Variants in CABIN1 observed in about 807,000 individuals in gnomAD.
The protein encoded by CABIN1 is calcineurin-binding protein cabin-1.
In CABIN1, 133 loss-of-function variants were observed where a neutral mutation model predicts 227.7. The observed-to-expected ratio is 0.58, with a 90% CI of 0.51 to 0.67. The LOEUF is 0.67. Among genes scored for constraint, CABIN1 ranks in the 30% least tolerant of loss-of-function variants. The pLI is 0.00. For synonymous variants in CABIN1, 1,086 were observed against 1,155.1 expected (o/e 0.94, Z 1.21); for missense variants, 2,408 against 2,852.5 (o/e 0.84, Z 3.55).
chr22:24,141,819 T>C (rs1299235954), intron 29 of CABIN1, among the ~76,000 whole-genome samples: 1 of 152,180 alleles, frequency 6.6e-6, no homozygotes, highest in Admixed American at 6.5e-5. Flanking sequence ...ACTGTGTTGC[T>C]TAAACTGATG....
Position 24,035,528 on chromosome 22 carries a change from C to T in CABIN1, c.3+8C>T. On this transcript the variant is annotated splice_region_variant and intron_variant, in intron 2 of 36. Transcript: ENST00000263119. ...TGAATCTCTCTGAATATGGTAAGGA[C>T]TGATGCCTGCCTATTTTGCGGACCT... The T allele has an allele frequency of 6.2e-7, 1 of 1,614,138 alleles. No homozygotes were observed. Among genetic ancestry groups the T allele is most frequent in the East Asian group, 2.2e-5 (1 of 44,882 alleles).
intron 1 of CABIN1, among the ~76,000 whole-genome samples, chr22:24,029,658 A>G (rs2036352983): frequency 6.6e-6 from 1 of 152,204 alleles, no homozygotes; most frequent in Non-Finnish European, 1.5e-5. Context: ...CTTCTTCTTA[A>G]TTTTGCTACT....
intron 29 of CABIN1, among the ~76,000 whole-genome samples, chr22:24,153,812 C>T (rs768879005): frequency 2.6e-5 from 4 of 152,134 alleles, no homozygotes; most frequent in African/African-American, 4.8e-5. Context: ...GAAGTCTCCC[C>T]AGAGGCTTTA....
intron 29 of CABIN1, among the ~76,000 whole-genome samples, chr22:24,139,095 T>C (rs2044588550): frequency 6.6e-6 from 1 of 152,214 alleles, no homozygotes; most frequent in Admixed American, 6.5e-5. Context: ...ATATATATCA[T>C]AATATCACAG....
chr22:24,118,963 A>G (rs1214150544), intron 27 of CABIN1, among the ~76,000 whole-genome samples: 7 of 152,216 alleles, frequency 4.6e-5, no homozygotes, highest in Non-Finnish European at 1.0e-4. Flanking sequence ...CAGGTATGAT[A>G]CTTCGTGAAC....
At chr22:24,058,993 C>T (rs985016395) in intron 10 of CABIN1, among the ~76,000 whole-genome samples, 1 of 152,192 alleles carries the variant, frequency 6.6e-6, no homozygotes, top group Admixed American at 6.5e-5. Context: ...AGCTGGTGCT[C>T]GGTAATCATC....
At chr22:24,097,872 G>A in intron 25 of CABIN1, 142 bp from the exon 26 acceptor site, 1 of 1,046,524 alleles carries the variant, frequency 9.6e-7, no homozygotes. Flanking sequence ...TGGGCTCTGT[G>A]ACACCAGGCA....
chr22:24,064,779 T>TC (rs1247060799), intron 15 of CABIN1, among the ~76,000 whole-genome samples: 6 of 152,090 alleles, frequency 3.9e-5, no homozygotes, highest in Non-Finnish European at 8.8e-5. Context: ...CCGCCCTTAA[T>TC]CCATTTAACC....
intron 26 of CABIN1, among the ~76,000 whole-genome samples, chr22:24,103,655 C>T (rs553261835): frequency 9.2e-5 from 14 of 152,268 alleles, no homozygotes; most frequent in South Asian, 2.1e-4. Flanking sequence ...TTGTTCCTGA[C>T]GGGCAGGGGA....
At chr22:24,161,280 G>A (rs1192626509) in intron 29 of CABIN1, among the ~76,000 whole-genome samples, 1 of 152,142 alleles carries the variant, frequency 6.6e-6, no homozygotes, top group African/African-American at 2.4e-5. Flanking sequence ...AGTCCTCTGA[G>A]GCTATTGGTG....
At position 24,123,760 on chromosome 22, in the gene CABIN1, T is replaced by C. The variant is rs1033476138; in HGVS notation, c.4632+4062T>C. 3.3e-5 allele frequency among the ~76,000 whole-genome samples: 5 copies of C among 152,242 alleles called. 1 individual carries two copies. The highest frequency in any genetic ancestry group is 2.0e-4 in the Admixed American group (3 of 15,284). On this transcript the variant is annotated intron_variant, in intron 28 of 36. Transcript: ENST00000263119. ...GTAGTTACCACTTTCCAAACACAGC[T>C]GTTTGTTAACAAACACTTCCCGCTG... is the stretch of plus-strand genomic sequence containing the variant.
At chr22:24,132,296 C>A (rs958629691) in intron 28 of CABIN1, among the ~76,000 whole-genome samples, 1 of 152,182 alleles carries the variant, frequency 6.6e-6, no homozygotes, top group Admixed American at 6.5e-5. Flanking sequence ...ACTCACTAAT[C>A]TTTGAGCTAA....
intron 15 of CABIN1, among the ~76,000 whole-genome samples, chr22:24,065,120 G>C (rs1299011322): frequency 1.3e-5 from 2 of 151,686 alleles, no homozygotes; most frequent in Non-Finnish European, 2.9e-5. Flanking sequence ...TCACCTCCCA[G>C]ACGGGGCGGC....
At position 24,035,610 on chromosome 22, in the gene CABIN1, T is replaced by C. The variant is rs552022718; in HGVS notation, c.3+90T>C. On this transcript the variant is annotated intron_variant, in intron 2 of 36. Coordinates refer to ENST00000263119, the MANE Select transcript of CABIN1 (RefSeq NM_012295.4). ...CGAGGGGCATTTTCCTGTTAGATTC[T>C]GAAGGCTCTTATTATGGAGTAGCCT... 3 of 1,512,064 alleles carry C rather than the reference T, an allele frequency of 2.0e-6. No individual in the cohort carries two copies. The East Asian group carries it at 6.8e-5, about 34-fold the overall frequency. 93.7% of individuals were successfully genotyped at this position (1,512,064 alleles called of 1,614,324 possible).
At chr22:24,029,119 C>T (rs778107702) in intron 1 of CABIN1, among the ~76,000 whole-genome samples, 31 of 152,072 alleles carry the variant, frequency 2.0e-4, no homozygotes, top group Admixed American at 4.6e-4. Context: ...TTTGGGAGGC[C>T]GAGACAGGTG....
chr22:24,072,081 G>T (rs1460070026), intron 17 of CABIN1, among the ~76,000 whole-genome samples: 1 of 152,098 alleles, frequency 6.6e-6, no homozygotes, highest in Admixed American at 6.5e-5. Flanking sequence ...GCTCCCCCAT[G>T]CCCTGTTCAC....
intron 14 of CABIN1, 94 bp downstream of exon 14, chr22:24,063,240 G>A: frequency 1.3e-5 from 13 of 1,031,690 alleles, no homozygotes; most frequent in East Asian, 2.6e-5. Context: ...GTGTGTATGT[G>A]TGTGTGTGTG....
At chr22:24,109,221 CTTT>C (rs869266886) in intron 26 of CABIN1, among the ~76,000 whole-genome samples, 4 of 133,254 alleles carry the variant, frequency 3.0e-5, no homozygotes, top group Admixed American at 1.5e-4. Flanking sequence ...TTATATTTTG[CTTT>C]TTTTTTTTTT....
chr22:24,118,300 G>A (rs2043200830), intron 27 of CABIN1, among the ~76,000 whole-genome samples: 1 of 152,136 alleles, frequency 6.6e-6, no homozygotes, highest in Non-Finnish European at 1.5e-5. Flanking sequence ...GGGGAACATA[G>A]GGAGTGAATG....
Sources: allele counts gnomAD v4.1 joint callset (sites outside exome capture counted in the v4.1 genomes callset), GRCh38; gene constraint gnomAD v4.1.1; transcripts MANE v1.5; gene names NCBI Gene and HGNC (gene_info 2026-07-23, HGNC 2026-07-21).